The following LRP6 variants were observed in gnomAD, a reference collection of about 807,000 sequenced individuals.
LRP6 encodes LDL receptor related protein 6.
In LRP6, 43 loss-of-function variants were observed where a neutral mutation model predicts 184.1. The ratio of observed to expected loss-of-function variants is 0.23; its 90% CI spans 0.18 to 0.30. The LOEUF (loss-of-function observed/expected upper bound fraction) is 0.30, where lower values mean the gene tolerates loss of function less well. LRP6 is among the 10% of genes least tolerant of loss of function. The probability of loss-of-function intolerance (pLI) is 1.00; values close to 1 mark genes in which losing one functional copy is unlikely to be tolerated. For missense variants in LRP6, 1,571 were observed against 2,005.3 expected, an observed-to-expected ratio of 0.78 and a Z score of 4.14; for synonymous variants, 719 against 684.9, an observed-to-expected ratio of 1.05 and a Z score of -0.78.
intron 12 of LRP6, chr12:12,155,698 G>A: frequency 1.0e-6 from 1 of 968,388 alleles, no homozygotes; most frequent in Non-Finnish European, 1.7e-6. Flanking sequence ...TCCACCCAGA[G>A]AAGCATATTT....
intron 4 of LRP6, among the ~76,000 whole-genome samples, chr12:12,186,174 C>T (rs1565618218): frequency 6.6e-6 from 1 of 152,010 alleles, no homozygotes; most frequent in Non-Finnish European, 1.5e-5. Flanking sequence ...AACACACTCA[C>T]ATCAACACAT....
chr12:12,161,233 A>C (rs1862733733), intron 10 of LRP6, among the ~76,000 whole-genome samples: 1 of 152,226 alleles, frequency 6.6e-6, no homozygotes, highest in Non-Finnish European at 1.5e-5. Flanking sequence ...TTAAGTAGCA[A>C]ATACAGTAAA....
At chr12:12,171,860 G>A (rs1037197506) in intron 7 of LRP6, among the ~76,000 whole-genome samples, 3 of 152,196 alleles carry the variant, frequency 2.0e-5, no homozygotes, top group African/African-American at 7.2e-5. Flanking sequence ...ATAAGAACAT[G>A]TTGCTCTGTC....
At chr12:12,137,998 A>C (rs1949868523) in intron 16 of LRP6, among the ~76,000 whole-genome samples, 1 of 151,652 alleles carries the variant, frequency 6.6e-6, no homozygotes, top group South Asian at 2.1e-4. Flanking sequence ...CCCTGCTTCT[A>C]CTAAAAATTA....
intron 2 of LRP6, among the ~76,000 whole-genome samples, chr12:12,232,050 A>G (rs1414382008): frequency 1.3e-5 from 2 of 151,888 alleles, no homozygotes; most frequent in African/African-American, 4.8e-5. Context: ...TTCACACTTG[A>G]GATCTGTGCA....
chr12:12,187,756 G>A (rs973249819), intron 3 of LRP6, among the ~76,000 whole-genome samples: 3 of 152,098 alleles, frequency 2.0e-5, no homozygotes, highest in Admixed American at 6.5e-5. Context: ...CTATATTCAG[G>A]CAGCCAAAAA....
rs536058862 is a variant in LRP6, at chr12:12,244,516, T to C, written c.195A>G (p.Ile65Met). The C allele has an allele frequency of 1.9e-6, 3 of 1,614,224 alleles. No individual in the cohort carries two copies. Among genetic ancestry groups the C allele is most frequent in the Admixed American group, 1.7e-5 (1 of 60,022 alleles). The change falls in exon 2 of 23, where the codon ATA (isoleucine) becomes ATG (methionine). Residue 65 changes from isoleucine to methionine, a missense_variant. Around this residue, in one of 4 missense-constraint regions of LRP6, gnomAD observed 640 missense variants for 851.9 expected, o/e 0.75. Transcript: ENST00000261349. ...AVDFVFSHGL[I>M]YWSDVSEEAI... ...CTTCTTCGCTGACATCACTCCAGTA[T>C]ATCAAGCCATGACTAAACACAAAGT...
At chr12:12,199,519 T>C (rs1224452222) in intron 3 of LRP6, among the ~76,000 whole-genome samples, 3 of 152,162 alleles carry the variant, frequency 2.0e-5, no homozygotes, top group Admixed American at 6.5e-5. Flanking sequence ...CAAAAATGTG[T>C]TTACAGAGAT....
At chr12:12,146,888 T>TA (rs1950015494) in intron 15 of LRP6, among the ~76,000 whole-genome samples, 1 of 152,158 alleles carries the variant, frequency 6.6e-6, no homozygotes, top group Non-Finnish European at 1.5e-5. Flanking sequence ...CGCGGTGGCT[T>TA]ACGCCTGTAA....
At chr12:12,197,343 GTTTCT>G (rs1484278596) in intron 3 of LRP6, among the ~76,000 whole-genome samples, 3 of 152,154 alleles carry the variant, frequency 2.0e-5, no homozygotes, top group African/African-American at 4.8e-5. Flanking sequence ...GAAAGGCTTG[GTTTCT>G]TTTAAGGTGG....
intron 6 of LRP6, among the ~76,000 whole-genome samples, 171 bp from the exon 7 acceptor site, chr12:12,180,152 T>C (rs1863307242): frequency 6.7e-6 from 1 of 150,074 alleles, no homozygotes; most frequent in Non-Finnish European, 1.5e-5. Context: ...ATCCCAGCAA[T>C]ATATAAGATT....
At chr12:12,209,272 C>CT (rs1864145067) in intron 2 of LRP6, among the ~76,000 whole-genome samples, 2 of 152,182 alleles carry the variant, frequency 1.3e-5, no homozygotes, top group Non-Finnish European at 2.9e-5. Context: ...AACTTTGTAA[C>CT]TCAGTGTCTA....
chr12:12,194,301 C>G (rs1291170885), intron 3 of LRP6, among the ~76,000 whole-genome samples: 1 of 151,684 alleles, frequency 6.6e-6, no homozygotes, highest in Non-Finnish European at 1.5e-5. Flanking sequence ...ACATACAAAA[C>G]AAACATATAG....
At chr12:12,225,131 G>T (rs1819871) in intron 2 of LRP6, among the ~76,000 whole-genome samples, 1 of 151,980 alleles carries the variant, frequency 6.6e-6, no homozygotes, top group South Asian at 2.1e-4. Flanking sequence ...CTTGAACCCA[G>T]TGGGTGGAGG....
chr12:12,266,468 G>C (rs867620732), intron 1 of LRP6, among the ~76,000 whole-genome samples: 1 of 152,132 alleles, frequency 6.6e-6, no homozygotes, highest in South Asian at 2.1e-4. Context: ...GTCCGGGGAA[G>C]GTCTGGGAAG....
At chr12:12,216,665 A>G (rs907329282) in intron 2 of LRP6, among the ~76,000 whole-genome samples, 2 of 151,682 alleles carry the variant, frequency 1.3e-5, no homozygotes, top group South Asian at 2.1e-4. Flanking sequence ...TAAAAAAAAA[A>G]AAAAAGAAAA....
Position 12,181,313 on chromosome 12 carries a change from T to C in LRP6, c.1103A>G (p.Asp368Gly). 1 of 1,614,102 alleles carries C rather than the reference T, an allele frequency of 6.2e-7. No individual in the cohort carries two copies. Among genetic ancestry groups the C allele is most frequent in the Non-Finnish European group, 8.5e-7 (1 of 1,179,988 alleles). Residue 368 changes from aspartate (D) to glycine (G), a missense_variant, in exon 6 of 23, where the codon GAT becomes GGT. By Grantham distance (94) the Asp-to-Gly change is moderately conservative. Transcript: ENST00000261349. ...CCAGTAGATGTAGCCTTCCACAGGATCGTAATCTATGGCAATGGCATGACG... is the reference window on the plus strand; with the variant it reads ...CCAGTAGATGTAGCCTTCCACAGGACCGTAATCTATGGCAATGGCATGACG... ...DIRHAIAIDY[D>G]PVEGYIYWTD...
intron 2 of LRP6, among the ~76,000 whole-genome samples, chr12:12,217,684 A>G (rs578145880): frequency 3.3e-5 from 5 of 152,328 alleles, no homozygotes; most frequent in African/African-American, 9.6e-5. Flanking sequence ...GCATAAGGAC[A>G]GACATCTAGA....
intron 17 of LRP6, among the ~76,000 whole-genome samples, chr12:12,133,035 T>C (rs150992188): frequency 5.5e-4 from 84 of 152,310 alleles, no homozygotes; most frequent in African/African-American, 1.8e-3. Context: ...CAGGTGAACA[T>C]TTTACATGGG....
Sources: gnomAD v4.1 joint callset for allele counts (sites outside exome capture counted in the v4.1 genomes callset) on GRCh38, gnomAD v4.1.1 for gene constraint, gnomAD v4.1.1 regional missense constraint, MANE v1.5 for transcripts, NCBI Gene and HGNC (gene_info 2026-07-23, HGNC 2026-07-21) for gene names.